The following FANCD2 variants were observed in gnomAD, a reference collection of about 807,000 sequenced individuals.
The protein encoded by FANCD2 is FA complementation group D2.
A neutral mutation model predicts 192.3 loss-of-function variants in FANCD2; 131 were observed. The ratio of observed to expected loss-of-function variants is 0.68; its 90% CI spans 0.59 to 0.79. FANCD2 has a LOEUF of 0.79. Ranked by LOEUF, FANCD2 falls within the 30% of genes least tolerant of loss-of-function variation. The pLI, the probability that FANCD2 is intolerant of heterozygous loss-of-function variation, is 0.00. For synonymous variants in FANCD2, 524 were observed against 612.5 expected, an observed-to-expected ratio of 0.86 and a Z score of 2.13; for missense variants, 1,508 against 1,701.6, an observed-to-expected ratio of 0.89 and a Z score of 2.00.
chr3:10,092,487 T>C (rs1694693307), intron 38 of FANCD2, among the ~76,000 whole-genome samples: 1 of 151,552 alleles, frequency 6.6e-6, no homozygotes, highest in Non-Finnish European at 1.5e-5. Context: ...TACTATTTAA[T>C]GACTCCTTCC....
intron 30 of FANCD2, among the ~76,000 whole-genome samples, chr3:10,080,063 C>T (rs765204178): frequency 2.6e-5 from 4 of 151,212 alleles, no homozygotes; most frequent in South Asian, 2.1e-4. Flanking sequence ...TACAGGTGCA[C>T]GCCACCACAC....
At chr3:10,041,272 C>G (rs911193923) in intron 9 of FANCD2, 22 of 289,182 alleles carry the variant, frequency 7.6e-5, no homozygotes, top group South Asian at 7.5e-4. Flanking sequence ...TGTAGCACCA[C>G]CTACATGTGT....
At chr3:10,051,245 G>A (rs1379589516) in intron 17 of FANCD2, among the ~76,000 whole-genome samples, 1 of 150,506 alleles carries the variant, frequency 6.6e-6, no homozygotes, top group African/African-American at 2.5e-5. Context: ...GCCGGGCGTA[G>A]TGGTGGGCGC....
chr3:10,028,739 T>C lies in FANCD2; in HGVS notation c.64+18T>C, dbSNP rs1445124166. The C allele has an allele frequency of 6.2e-7, 1 of 1,605,660 alleles. No homozygotes were observed. ...TGCCTCCAGTAAGTATCTAGTCATT[T>C]GTTGCTTTATTTCCTGTAGCAATGT... is the stretch of plus-strand genomic sequence containing the variant. On this transcript the variant is annotated intron_variant, in intron 2 of 43. Transcript: ENST00000675286.
chr3:10,030,096 ATTTT>A (rs35086642), intron 2 of FANCD2, among the ~76,000 whole-genome samples: 4 of 124,266 alleles, frequency 3.2e-5, no homozygotes, highest in African/African-American at 3.0e-5. Context: ...CCATTATATC[ATTTT>A]TTTTTTTTTT....
At chr3:10,084,056 C>T (rs1272204761) in intron 32 of FANCD2, among the ~76,000 whole-genome samples, 5 of 151,482 alleles carry the variant, frequency 3.3e-5, no homozygotes, top group East Asian at 2.0e-4. Context: ...TGCAGTGGCG[C>T]GATCTCGGCT....
chr3:10,070,188 A>C (rs538561008), intron 26 of FANCD2, among the ~76,000 whole-genome samples: 2 of 119,870 alleles, frequency 1.7e-5, no homozygotes, highest in South Asian at 6.1e-4. Flanking sequence ...CCGCCCGGCA[A>C]CCGCCCCGTC....
chr3:10,038,961 T>A (rs2086795642), intron 7 of FANCD2, among the ~76,000 whole-genome samples: 2 of 152,234 alleles, frequency 1.3e-5, no homozygotes, highest in South Asian at 4.1e-4. Context: ...ATTCAGTTTT[T>A]AAGATTTATT....
chr3:10,056,213 A>G (rs538292197), intron 18 of FANCD2, among the ~76,000 whole-genome samples: 1 of 152,256 alleles, frequency 6.6e-6, no homozygotes, highest in African/African-American at 2.4e-5. Flanking sequence ...TTGTTTATCC[A>G]TTCATCCATT....
chr3:10,062,964 G>A (rs1164016084), intron 20 of FANCD2, among the ~76,000 whole-genome samples: 2 of 152,064 alleles, frequency 1.3e-5, no homozygotes, highest in Non-Finnish European at 2.9e-5. Flanking sequence ...GCCTCCCAAA[G>A]CACTGGGATT....
At chr3:10,042,952 T>C in intron 11 of FANCD2, 98 bp from the exon 12 acceptor site, 1 of 1,096,844 alleles carries the variant, frequency 9.1e-7, no homozygotes, top group Non-Finnish European at 1.4e-6. Flanking sequence ...ATTTTTTTCT[T>C]CCTCAGTCTT....
In FANCD2 at chr3:10,049,399, A is replaced by G. The variant is rs771359822; in HGVS notation, c.1439A>G (p.His480Arg). The G allele has an allele frequency of 2.5e-6, 4 of 1,612,078 alleles. No homozygotes were observed. The highest frequency in any genetic ancestry group is 3.4e-6 in the Non-Finnish European group (4 of 1,179,122). Residue 480 changes from histidine to arginine, a missense_variant, in exon 17 of 44, where the codon CAT becomes CGT. This residue lies in a region of FANCD2 where 108 missense variants were observed against 174.1 expected (regional missense o/e 0.62). Coordinates refer to ENST00000675286, the MANE Select transcript of FANCD2 (RefSeq NM_001018115.3). Reference protein sequence around the residue: ...QQEVVGALVTHICSGNEAEVD... With the variant: ...QQEVVGALVTRICSGNEAEVD... ...GAAGTGGTTGGTGCCTTAGTGACCCATATCTGCAGTGGGAATGAAGCTGAA... is the reference window on the plus strand; with the variant it reads ...GAAGTGGTTGGTGCCTTAGTGACCCGTATCTGCAGTGGGAATGAAGCTGAA...
At chr3:10,076,153 T>TATGCTTCTGGAATA (rs536156431) in intron 29 of FANCD2, among the ~76,000 whole-genome samples, 107 of 152,126 alleles carry the variant, frequency 7.0e-4, no homozygotes, top group African/African-American at 2.5e-3. Context: ...CTTCTAGCAG[T>TATGCTTCTGGAATA]GTAATATAGC....
At chr3:10,067,619 G>A (rs1362898151) in intron 26 of FANCD2, among the ~76,000 whole-genome samples, 2 of 152,188 alleles carry the variant, frequency 1.3e-5, no homozygotes, top group Admixed American at 6.5e-5. Context: ...CCAACATGGT[G>A]AAACCCTGTT....
At chr3:10,043,732 T>C (rs1385019387) in intron 13 of FANCD2, 97 bp from the exon 14 acceptor site, 6 of 1,279,360 alleles carry the variant, frequency 4.7e-6, no homozygotes, top group African/African-American at 1.4e-5. Flanking sequence ...GATGGACACA[T>C]TGGCTCTTAG....
At chr3:10,079,569 G>A (rs75735845) in intron 30 of FANCD2, among the ~76,000 whole-genome samples, 5,242 of 152,232 alleles carry the variant, frequency 0.034, 313 homozygotes, top group African/African-American at 0.12. Context: ...CTCCCAATCC[G>A]CCCACCTCGG....
rs1317887719 is a variant in FANCD2 at position 10,054,360 on chromosome 3, TATATATACGTGTATATAC to T, written c.1656+1871_1656+1888del. Among the ~76,000 whole-genome samples the T allele has an allele frequency of 1.6e-3, 182 of 113,432 alleles. 1 individual carries two copies. The highest frequency in any genetic ancestry group is 8.7e-3 in the African/African-American group (174 of 20,022). The allele number at this position is 113,432 out of a possible 152,430, so 74.4% of individuals were successfully genotyped here. ...GCATATATATATATATACGTATATA[TATATATACGTGTATATAC>T]ATATATATATGTATATACGTATATG... On this transcript the variant is annotated intron_variant, in intron 18 of 43. Transcript: ENST00000675286.
chr3:10,051,337 C>T (rs1408162470), intron 17 of FANCD2, among the ~76,000 whole-genome samples: 6 of 143,978 alleles, frequency 4.2e-5, no homozygotes, highest in South Asian at 2.2e-4. Context: ...GCCGAGATCC[C>T]GCCACTGCAC....
chr3:10,059,616 C>T (rs543154820), intron 18 of FANCD2, among the ~76,000 whole-genome samples: 89 of 152,080 alleles, frequency 5.9e-4, no homozygotes, highest in African/African-American at 2.1e-3. Flanking sequence ...TCCTGGCTAA[C>T]ATGGTGAAAC....
Sources: allele counts gnomAD v4.1 joint callset (sites outside exome capture counted in the v4.1 genomes callset), GRCh38; gene constraint gnomAD v4.1.1; regional missense constraint gnomAD v4.1.1; transcripts MANE v1.5; gene names NCBI Gene and HGNC (gene_info 2026-07-23, HGNC 2026-07-21).